The following TBC1D19 variants were observed in gnomAD, a reference collection of about 807,000 sequenced individuals.
The protein encoded by TBC1D19 is TBC1 domain family member 19.
In TBC1D19, 60 loss-of-function variants were observed where a neutral mutation model predicts 89.0. The observed-to-expected ratio is 0.67, with a 90% confidence interval of 0.55 to 0.84. TBC1D19 has a LOEUF of 0.84. Ranked by LOEUF, TBC1D19 falls within the 40% of genes least tolerant of loss-of-function variation. TBC1D19 has a pLI of 0.00. For missense variants in TBC1D19, 500 were observed against 610.8 expected (o/e 0.82, Z 1.91); for synonymous variants, 189 against 199.7 (o/e 0.95, Z 0.45).
rs376991837 is a variant in TBC1D19 at position 26,744,041 on chromosome 4, G to A, written c.1319+1442G>A. Among the ~76,000 whole-genome samples, 17 of 151,558 alleles carry A rather than the reference G, an allele frequency of 1.1e-4. No individual in the cohort carries two copies. The East Asian group carries it at 1.4e-3, about 12-fold the overall frequency. ...TTTTTAAAAACTGAAGCTTTTGGAA[G>A]GTTTTTTAATTTTGAATTTAATTTC... On this transcript the variant is annotated intron_variant, in intron 18 of 20. Coordinates refer to ENST00000264866, the MANE Select transcript of TBC1D19 (RefSeq NM_018317.4).
chr4:26,830,009 G>A, the TBC1D19 span, among the ~76,000 whole-genome samples: 1 of 152,108 alleles, frequency 6.6e-6, no homozygotes, highest in South Asian at 2.1e-4. Flanking sequence ...GAGCCATCAG[G>A]AGCTGGATTT....
At chr4:26,721,516 G>GC (rs1716976280) in intron 15 of TBC1D19, among the ~76,000 whole-genome samples, 1 of 152,026 alleles carries the variant, frequency 6.6e-6, no homozygotes, top group African/African-American at 2.4e-5. Flanking sequence ...CTTGTTAATT[G>GC]CAACAACCAT....
At chr4:26,735,563 GAC>G in intron 16 of TBC1D19, 76 bp downstream of exon 16, 1 of 1,287,846 alleles carries the variant, frequency 7.8e-7, no homozygotes. Flanking sequence ...AATAATGACT[GAC>G]AGATATAATT....
rs181758399 is a variant in TBC1D19, at chr4:26,611,043, G to A, written c.100-2126G>A. Among the ~76,000 whole-genome samples, 21 of 152,184 alleles carry A rather than the reference G, an allele frequency of 1.4e-4. 1 individual carries two copies. The highest frequency in any genetic ancestry group is 4.6e-4 in the African/African-American group (19 of 41,524). On this transcript the variant is annotated intron_variant, in intron 1 of 20. Coordinates refer to ENST00000264866, the MANE Select transcript of TBC1D19 (RefSeq NM_018317.4). ...CTTCAAACTGCTTTCCCCAATGGCTGAACTAATTTACATTCCCACCAGCAG... is the reference window on the plus strand; with the variant it reads ...CTTCAAACTGCTTTCCCCAATGGCTAAACTAATTTACATTCCCACCAGCAG...
downstream of TBC1D19, among the ~76,000 whole-genome samples, chr4:26,757,813 C>T (rs10428311): frequency 6.6e-5 from 10 of 152,176 alleles, no homozygotes; most frequent in African/African-American, 2.4e-4. Context: ...CTAGTCTAGT[C>T]TAGTCCTGTA....
At chr4:26,798,301 A>C in the TBC1D19 span, among the ~76,000 whole-genome samples, 1 of 152,208 alleles carries the variant, frequency 6.6e-6, no homozygotes, top group Non-Finnish European at 1.5e-5. Flanking sequence ...ACACATGAAA[A>C]AATGCTCATC....
chr4:26,584,431 ACAAAAAC>A (rs1305633406), intron 1 of TBC1D19, 139 bp downstream of exon 1: 2 of 593,118 alleles, frequency 3.4e-6, no homozygotes, highest in East Asian at 6.1e-5. Context: ...ACAGACAAAA[ACAAAAAC>A]AAAAACAAAA....
intron 7 of TBC1D19, among the ~76,000 whole-genome samples, chr4:26,650,648 TC>T (rs1399342754): frequency 6.6e-6 from 1 of 152,198 alleles, no homozygotes; most frequent in African/African-American, 2.4e-5. Context: ...AAAAATTTTC[TC>T]CCATTCTGTA....
the TBC1D19 span, among the ~76,000 whole-genome samples, chr4:26,767,258 A>C: frequency 6.6e-6 from 1 of 152,208 alleles, no homozygotes; most frequent in Non-Finnish European, 1.5e-5. Flanking sequence ...AGTCCATTAT[A>C]TACTCTGAGA....
chr4:26,846,776 A>G, the TBC1D19 span, among the ~76,000 whole-genome samples: 4 of 152,188 alleles, frequency 2.6e-5, no homozygotes, highest in African/African-American at 9.6e-5. Flanking sequence ...AGCAATATCT[A>G]TGAATACTTT....
chr4:26,712,756 C>G (rs1172101862), intron 13 of TBC1D19, among the ~76,000 whole-genome samples: 1 of 151,932 alleles, frequency 6.6e-6, no homozygotes. Flanking sequence ...GAAGGGTAAG[C>G]AGGTATATAC....
chr4:26,659,511 G>T (rs1007350714), intron 7 of TBC1D19, 86 bp from the exon 8 acceptor site: 9 of 739,798 alleles, frequency 1.2e-5, no homozygotes, highest in Non-Finnish European at 2.0e-5. Flanking sequence ...ATTTTGTGGT[G>T]ATACACTAAG....
the TBC1D19 span, among the ~76,000 whole-genome samples, chr4:26,830,214 CT>C: frequency 6.6e-6 from 1 of 152,072 alleles, no homozygotes; most frequent in African/African-American, 2.4e-5. Flanking sequence ...CCCTTTTTGC[CT>C]TTGAATAAGT....
the TBC1D19 span, among the ~76,000 whole-genome samples, chr4:26,836,061 G>A: frequency 1.3e-5 from 2 of 150,780 alleles, no homozygotes; most frequent in Non-Finnish European, 2.9e-5. Context: ...ATTTCTCCCT[G>A]GCCCTTGCCT....
At chr4:26,848,241 C>G in the TBC1D19 span, among the ~76,000 whole-genome samples, 72 of 152,288 alleles carry the variant, frequency 4.7e-4, no homozygotes, top group Non-Finnish European at 8.8e-4. Context: ...AGATTCACTC[C>G]CTCTCTGCAT....
intron 7 of TBC1D19, among the ~76,000 whole-genome samples, chr4:26,659,320 A>T (rs1745070993): frequency 6.6e-6 from 1 of 152,134 alleles, no homozygotes; most frequent in African/African-American, 2.4e-5. Flanking sequence ...CTAACCACCA[A>T]AAAGTTTTTA....
At chr4:26,596,180 C>T (rs1287229818) in intron 1 of TBC1D19, among the ~76,000 whole-genome samples, 2 of 152,108 alleles carry the variant, frequency 1.3e-5, no homozygotes, top group Non-Finnish European at 2.9e-5. Flanking sequence ...TGGTCTCAAA[C>T]TCCTGGCCTC....
chr4:26,831,220 G>C, the TBC1D19 span, among the ~76,000 whole-genome samples: 1 of 152,288 alleles, frequency 6.6e-6, no homozygotes, highest in East Asian at 1.9e-4. Context: ...CACTGCAGAT[G>C]CTATGTCTCC....
At chr4:26,750,379 A>G (rs1040252222) in intron 19 of TBC1D19, among the ~76,000 whole-genome samples, 1 of 152,200 alleles carries the variant, frequency 6.6e-6, no homozygotes, top group African/African-American at 2.4e-5. Flanking sequence ...AGTCTAAGAA[A>G]ATATTTTCTA....
Sources: gnomAD v4.1 joint callset for allele counts (sites outside exome capture counted in the v4.1 genomes callset) on GRCh38, gnomAD v4.1.1 for gene constraint, MANE v1.5 for transcripts, NCBI Gene and HGNC (gene_info 2026-07-23, HGNC 2026-07-21) for gene names.